PLCL1: variants seen among roughly 807,000 people sequenced by gnomAD.
PLCL1 encodes phospholipase C like 1 (inactive), also known as inactive phospholipase C-like protein 1.
PLCL1 carries 41 observed loss-of-function variants against 84.4 expected under a neutral mutation model. That is an observed-to-expected ratio of 0.49 (90% CI 0.38 to 0.63). The LOEUF is 0.63. Ranked by LOEUF, PLCL1 falls within the 30% of genes least tolerant of loss-of-function variation. The pLI is 0.00. For missense variants in PLCL1, 1,206 were observed against 1,367.8 expected, an observed-to-expected ratio of 0.88 and a Z score of 1.87; for synonymous variants, 490 against 488.3, an observed-to-expected ratio of 1.00 and a Z score of -0.05.
At chr2:197,906,716 T>C (rs1486171898) in intron 1 of PLCL1, among the ~76,000 whole-genome samples, 1 of 152,234 alleles carries the variant, frequency 6.6e-6, no homozygotes, top group Non-Finnish European at 1.5e-5. Context: ...TTTCCATTTG[T>C]TTGTGTCGTC....
intron 1 of PLCL1, among the ~76,000 whole-genome samples, chr2:197,881,834 C>T (rs1709887092): frequency 1.3e-5 from 2 of 152,130 alleles, no homozygotes. Context: ...CTCCAACAAT[C>T]AATCCATCAA....
At chr2:198,015,836 T>C (rs370937844) in intron 1 of PLCL1, among the ~76,000 whole-genome samples, 272 of 152,272 alleles carry the variant, frequency 1.8e-3, no homozygotes, top group Middle Eastern at 3.4e-3. Context: ...GGAGCCAAAA[T>C]TTTGAGTGCT....
intron 1 of PLCL1, among the ~76,000 whole-genome samples, chr2:198,057,282 T>C (rs951285152): frequency 6.6e-6 from 1 of 152,102 alleles, no homozygotes; most frequent in African/African-American, 2.4e-5. Context: ...CGAGGCATCC[T>C]AGGCTCTTGA....
chr2:197,999,854 G>A (rs1690558951), intron 1 of PLCL1, among the ~76,000 whole-genome samples: 1 of 152,154 alleles, frequency 6.6e-6, no homozygotes, highest in South Asian at 2.1e-4. Flanking sequence ...GTATGTGTGT[G>A]TGTGTGCTTA....
In PLCL1 at chr2:198,083,765, C is replaced by G; in HGVS notation, c.248C>G (p.Ser83Ter). 1 of 1,575,724 alleles carries G rather than the reference C, an allele frequency of 6.3e-7. No homozygotes were observed. Among genetic ancestry groups the G allele is most frequent in the Non-Finnish European group, 8.6e-7 (1 of 1,163,370 alleles). Residue 83 changes from serine (S) to a stop codon, truncating the protein, a stop_gained, in exon 2 of 6, where the codon TCA (serine) becomes TGA (stop). Coordinates refer to ENST00000428675, the MANE Select transcript of PLCL1 (RefSeq NM_006226.4). LOFTEE classifies it high-confidence loss of function. ...PRRSSIIKDP[S>*]NQKCGGRKKT... Reference sequence around the variant, plus strand: ...TTTCAAATTATTTTACAGGATCCTTCAAACCAAAAATGTGGTGGAAGAAAG... The same window carrying G: ...TTTCAAATTATTTTACAGGATCCTTGAAACCAAAAATGTGGTGGAAGAAAG...
chr2:197,817,827 A>G (rs887365222), intron 1 of PLCL1, among the ~76,000 whole-genome samples: 1 of 152,144 alleles, frequency 6.6e-6, no homozygotes, highest in Admixed American at 6.6e-5. Context: ...AAATGCCTTG[A>G]CAAATGTCTT....
At chr2:197,863,995 C>G (rs954774805) in intron 1 of PLCL1, among the ~76,000 whole-genome samples, 2 of 152,084 alleles carry the variant, frequency 1.3e-5, no homozygotes, top group South Asian at 2.1e-4. Flanking sequence ...GTGCTTCTTT[C>G]TCTATTTTTC....
At chr2:198,039,943 G>A (rs183732690) in intron 1 of PLCL1, among the ~76,000 whole-genome samples, 5 of 152,272 alleles carry the variant, frequency 3.3e-5, no homozygotes, top group Admixed American at 2.0e-4. Flanking sequence ...CTAGAATGGG[G>A]CAAACATATG....
chr2:198,140,456 G>A (rs1694360352), intron 5 of PLCL1, among the ~76,000 whole-genome samples: 1 of 152,052 alleles, frequency 6.6e-6, no homozygotes, highest in African/African-American at 2.4e-5. Flanking sequence ...TTACTATTTT[G>A]AAGTAACTAG....
intron 1 of PLCL1, among the ~76,000 whole-genome samples, chr2:197,826,915 C>A (rs1421362139): frequency 6.6e-6 from 1 of 152,156 alleles, no homozygotes; most frequent in African/African-American, 2.4e-5. Context: ...GCACCACTAT[C>A]CTCAGTTGCC....
intron 1 of PLCL1, among the ~76,000 whole-genome samples, chr2:197,961,599 G>A (rs1325660912): frequency 6.6e-6 from 1 of 150,698 alleles, no homozygotes; most frequent in Non-Finnish European, 1.5e-5. Flanking sequence ...ATAGCTGCTG[G>A]AGGATTGCTT....
At chr2:197,894,276 G>A (rs1688090245) in intron 1 of PLCL1, among the ~76,000 whole-genome samples, 1 of 152,058 alleles carries the variant, frequency 6.6e-6, no homozygotes, top group Admixed American at 6.6e-5. Context: ...TGTTGAGTGA[G>A]CCAGCCTACA....
intron 1 of PLCL1, among the ~76,000 whole-genome samples, chr2:197,932,082 G>A (rs1688947159): frequency 6.6e-6 from 1 of 152,134 alleles, no homozygotes; most frequent in Admixed American, 6.6e-5. Flanking sequence ...CTCAGTTTTA[G>A]GCTTCTGTGA....
chr2:197,823,614 T>C (rs1193741428), intron 1 of PLCL1, among the ~76,000 whole-genome samples: 2 of 152,150 alleles, frequency 1.3e-5, no homozygotes, highest in Non-Finnish European at 2.9e-5. Flanking sequence ...GTTTGAGTCA[T>C]GGAGCAAACC....
At chr2:197,974,236 T>C (rs985378742) in intron 1 of PLCL1, among the ~76,000 whole-genome samples, 2 of 152,208 alleles carry the variant, frequency 1.3e-5, no homozygotes, top group Admixed American at 6.5e-5. Flanking sequence ...GGTGGCCTAA[T>C]AGATATTGAA....
intron 1 of PLCL1, among the ~76,000 whole-genome samples, chr2:198,026,833 T>G (rs1691277753): frequency 6.6e-6 from 1 of 152,144 alleles, no homozygotes; most frequent in African/African-American, 2.4e-5. Context: ...ACTCACCTAT[T>G]AGAATGGCTA....
intron 5 of PLCL1, among the ~76,000 whole-genome samples, chr2:198,133,692 G>A (rs1368150659): frequency 2.0e-5 from 3 of 152,066 alleles, no homozygotes; most frequent in East Asian, 3.9e-4. Context: ...GGAAATGTTT[G>A]TCTTTCTGAG....
rs1216953195 is a variant in PLCL1, at chr2:198,084,562, A to G, written c.1045A>G (p.Thr349Ala). Residue 349 changes from threonine to alanine, a missense_variant, in exon 2 of 6, where the codon ACC becomes GCC. Transcript: ENST00000428675. ...AGCTGAGCAAGGAGTCACCCATATC[A>G]CCGAGGATATATGCTTAGACATCAT... The part of the protein sequence containing the change: ...LEAEQGVTHI[T>A]EDICLDIIRR... 6.2e-7 allele frequency: 1 copy of G among 1,613,350 alleles called. No homozygotes were observed. The highest frequency in any genetic ancestry group is 1.3e-5 in the African/African-American group (1 of 74,904).
intron 1 of PLCL1, among the ~76,000 whole-genome samples, chr2:197,851,319 G>GA (rs562569081): frequency 2.0e-3 from 299 of 152,204 alleles, no homozygotes; most frequent in Non-Finnish European, 3.2e-3. Flanking sequence ...TACATACATA[G>GA]AAAAAATACA....
Sources: allele counts gnomAD v4.1 joint callset (sites outside exome capture counted in the v4.1 genomes callset), GRCh38; gene constraint gnomAD v4.1.1; transcripts MANE v1.5; gene names NCBI Gene and HGNC (gene_info 2026-07-23, HGNC 2026-07-21).